MPDZ: variants seen among roughly 807,000 people sequenced by gnomAD.
MPDZ encodes multiple PDZ domain protein.
A neutral mutation model predicts 239.1 loss-of-function variants in MPDZ; 234 were observed. That is an observed-to-expected ratio of 0.98 (90% confidence interval 0.88 to 1.09). MPDZ has a LOEUF of 1.09. MPDZ is among the 50% of genes least tolerant of loss of function. MPDZ has a pLI of 0.00. For synonymous variants in MPDZ, 1,048 were observed against 881.3 expected, an observed-to-expected ratio of 1.19 and a Z score of -3.35; for missense variants, 3,175 against 2,510.0, an observed-to-expected ratio of 1.26 and a Z score of -5.66.
chr9:13,241,217 C>A (rs991064419), intron 3 of MPDZ, among the ~76,000 whole-genome samples: 2 of 152,086 alleles, frequency 1.3e-5, no homozygotes, highest in African/African-American at 2.4e-5. Flanking sequence ...AAGAACCACT[C>A]ATTCTCTTTT....
rs768088594 is a variant in MPDZ at position 13,110,650 on chromosome 9, A to C, written c.5815T>G (p.Ser1939Ala). Residue 1939 changes from serine (S) to alanine (A), a missense_variant, in exon 44 of 47, where the codon TCC (serine) becomes GCC (alanine). By Grantham distance (99) the Ser-to-Ala change is moderately conservative. Transcript: ENST00000319217. The part of the protein sequence containing the change: ...AVNLLKNASG[S>A]IEMQVVAGGD... ...AAAAATCTTACCTGCATTTCAATGG[A>C]GCCAGATGCATTTTTCAGTAGGTTA... The C allele has an allele frequency of 1.2e-6, 2 of 1,613,470 alleles. No homozygotes were observed. The highest frequency in any genetic ancestry group is 8.5e-7 in the Non-Finnish European group (1 of 1,179,598).
intron 43 of MPDZ, 48 bp from the exon 44 acceptor site, chr9:13,110,788 A>T: frequency 7.0e-7 from 1 of 1,427,180 alleles, no homozygotes; most frequent in Non-Finnish European, 9.8e-7. Context: ...AGCCATGGAG[A>T]GTGGGTCTTT....
In MPDZ at chr9:13,112,140, T is replaced by C. The variant is rs754754132; in HGVS notation, c.5608A>G (p.Thr1870Ala). Reference sequence around the variant, plus strand: ...GCGATGCTGATTCCCAGTGAGTCAGTAGGGCCCTGCCATGGAACAGATATA... The same window carrying C: ...GCGATGCTGATTCCCAGTGAGTCAGCAGGGCCCTGCCATGGAACAGATATA... ...LRTVEMKKGP[T>A]DSLGISIAGG... The change falls in exon 43 of 47, where the codon ACT becomes GCT. Residue 1870 changes from threonine to alanine, a missense_variant. Transcript: ENST00000319217. The C allele has an allele frequency of 1.9e-6, 3 of 1,611,748 alleles. No homozygotes were observed. Among genetic ancestry groups the C allele is most frequent in the Admixed American group, 1.7e-5 (1 of 59,838 alleles).
At chr9:13,261,367 T>C (rs752940943) in intron 1 of MPDZ, among the ~76,000 whole-genome samples, 14 of 152,178 alleles carry the variant, frequency 9.2e-5, no homozygotes, top group Non-Finnish European at 1.5e-5. Flanking sequence ...GCCAGAGGTA[T>C]GTTGTATGAA....
rs772815510 is a variant in MPDZ, at chr9:13,221,695, T to G, written c.748-195A>C. Among the ~76,000 whole-genome samples, 16 of 152,038 alleles carry G rather than the reference T, an allele frequency of 1.1e-4. No individual in the cohort carries two copies. In the South Asian group the frequency reaches 1.2e-3, roughly 12 times the overall value. ...ATGTAAGTGCCATTGACAGAATCAT[T>G]CTTGAAATTATCAATATATCATCAT... On this transcript the variant is annotated intron_variant, in intron 6 of 46. Transcript: ENST00000319217.
intron 2 of MPDZ, 49 bp downstream of exon 2, chr9:13,250,251 G>A (rs1433465658): frequency 1.9e-6 from 3 of 1,550,162 alleles, no homozygotes; most frequent in African/African-American, 1.4e-5. Flanking sequence ...AATCCCAATG[G>A]GAGGAGTTAC....
intron 1 of MPDZ, among the ~76,000 whole-genome samples, chr9:13,251,755 G>C (rs144422420): frequency 6.6e-6 from 1 of 152,210 alleles, no homozygotes; most frequent in East Asian, 1.9e-4. Context: ...TGATAAGAGA[G>C]AACAGTACGT....
At chr9:13,110,200 C>A in intron 44 of MPDZ, 136 bp from the exon 45 acceptor site, 1 of 665,030 alleles carries the variant, frequency 1.5e-6, no homozygotes, top group South Asian at 1.9e-5. Context: ...ACATAAAATA[C>A]AACCAAAGAG....
At chr9:13,112,198 C>G (rs904714752) in intron 42 of MPDZ, 52 bp from the exon 43 acceptor site, 5 of 1,533,434 alleles carry the variant, frequency 3.3e-6, no homozygotes, top group Non-Finnish European at 4.4e-6. Flanking sequence ...TTTCATTGAC[C>G]TTTTGTTTAT....
chr9:13,262,443 C>T (rs1204157808), intron 1 of MPDZ, among the ~76,000 whole-genome samples: 2 of 151,680 alleles, frequency 1.3e-5, no homozygotes, highest in African/African-American at 4.8e-5. Context: ...AGAGAAAGAC[C>T]CTGTCTCAAA....
intron 12 of MPDZ, among the ~76,000 whole-genome samples, chr9:13,203,580 T>C (rs934815636): frequency 1.3e-5 from 2 of 152,164 alleles, no homozygotes; most frequent in African/African-American, 4.8e-5. Context: ...AAAATATCTG[T>C]GGAAGAGGCA....
chr9:13,216,481 G>A (rs1214390019), intron 10 of MPDZ, among the ~76,000 whole-genome samples: 1 of 151,028 alleles, frequency 6.6e-6, no homozygotes, highest in Non-Finnish European at 1.5e-5. Flanking sequence ...TGCAAGGAAC[G>A]TATAAGTGTA....
intron 29 of MPDZ, among the ~76,000 whole-genome samples, chr9:13,137,194 T>C (rs976925342): frequency 9.2e-5 from 14 of 152,030 alleles, no homozygotes; most frequent in African/African-American, 3.4e-4. Context: ...CTGTCATATT[T>C]CCCACTTAGT....
intron 25 of MPDZ, among the ~76,000 whole-genome samples, chr9:13,150,113 C>T (rs1948961827): frequency 6.6e-6 from 1 of 151,884 alleles, no homozygotes; most frequent in Admixed American, 6.6e-5. Flanking sequence ...CTAATGTAAT[C>T]TTAATTCAAA....
chr9:13,201,087 G>C (rs1956334708), intron 12 of MPDZ, among the ~76,000 whole-genome samples: 1 of 151,812 alleles, frequency 6.6e-6, no homozygotes, highest in South Asian at 2.1e-4. Flanking sequence ...TGGGTGCTCT[G>C]ATGTTGGGTG....
At chr9:13,134,537 T>C (rs1946463996) in intron 31 of MPDZ, 1 of 152,206 alleles carries the variant, frequency 6.6e-6, no homozygotes, top group South Asian at 2.1e-4. Context: ...TAGGAAAGAA[T>C]GTTTCTCTTC....
At chr9:13,120,463 T>C (rs987526678) in intron 38 of MPDZ, 1 of 152,184 alleles carries the variant, frequency 6.6e-6, no homozygotes, top group African/African-American at 2.4e-5. Context: ...GGTTCATTAA[T>C]GGTGGTTTTT....
At chr9:13,151,974 T>A (rs1052598854) in intron 24 of MPDZ, among the ~76,000 whole-genome samples, 4 of 152,142 alleles carry the variant, frequency 2.6e-5, no homozygotes, top group African/African-American at 9.7e-5. Context: ...AATGATTTGT[T>A]ATAAGTAAAA....
rs1193784415 is a variant in MPDZ, at chr9:13,192,196, C to G, written c.1903G>C (p.Val635Leu). The G allele has an allele frequency of 6.2e-7, 1 of 1,611,116 alleles. No individual in the cohort carries two copies. Among genetic ancestry groups the G allele is most frequent in the Admixed American group, 1.7e-5 (1 of 59,676 alleles). ...EVTMVCCRRT[V>L]PPTTQSELDS... ...AATTCTGATTGGGTGGTGGGTGGCA[C>G]AGTTCGACGACAGCACACCATTGTC... Residue 635 changes from valine (V) to leucine (L), a missense_variant, in exon 15 of 47, where the codon GTG becomes CTG. Val to Leu is a conservative substitution (Grantham distance 32). Transcript: ENST00000319217.
Sources: allele counts gnomAD v4.1 joint callset (sites outside exome capture counted in the v4.1 genomes callset), GRCh38; gene constraint gnomAD v4.1.1; transcripts MANE v1.5; gene names NCBI Gene and HGNC (gene_info 2026-07-23, HGNC 2026-07-21).